The following ASB11 variants were observed in gnomAD, a reference collection of about 807,000 sequenced individuals.
The protein encoded by ASB11 is ankyrin repeat and SOCS box containing 11, also known as ankyrin repeat and SOCS box protein 11.
A neutral mutation model predicts 20.1 loss-of-function variants in ASB11; 17 were observed. That is an observed-to-expected ratio of 0.85 (90% CI 0.58 to 1.27). ASB11 has a LOEUF of 1.27. ASB11 is among the 50% of genes most tolerant of loss of function. ASB11 has a pLI of 0.00. For synonymous variants in ASB11, 107 were observed against 105.6 expected (o/e 1.01, Z -0.08); for missense variants, 259 against 256.9 (o/e 1.01, Z -0.06).
intron 3 of ASB11, among the ~76,000 whole-genome samples, 173 bp from the exon 4 acceptor site, chrX:15,293,493 G>A (rs924332488): frequency 1.8e-5 from 2 of 112,207 alleles, no homozygotes; most frequent in African/African-American, 6.5e-5. Flanking sequence ...TGGATCGAGC[G>A]AGTTACTATA....
chrX:15,286,613 C>T (rs141168950), intron 6 of ASB11, among the ~76,000 whole-genome samples: 437 of 99,033 alleles, frequency 4.4e-3, no homozygotes, highest in African/African-American at 0.016. Flanking sequence ...TGCAGTGAGC[C>T]GAGATCGCAC....
intron 3 of ASB11, among the ~76,000 whole-genome samples, chrX:15,295,912 G>A (rs1050696176): frequency 1.7e-4 from 19 of 111,880 alleles, no homozygotes; most frequent in African/African-American, 5.8e-4. Context: ...TGAGCTGACT[G>A]AGTGGTAACT....
At chrX:15,312,960 T>A in intron 1 of ASB11, among the ~76,000 whole-genome samples, 1 of 111,680 alleles carries the variant, frequency 9.0e-6, no homozygotes, top group East Asian at 2.8e-4. Flanking sequence ...GAATAAAGAG[T>A]TGTTATTTTT....
chrX:15,286,986 AGGTTCTCTTCTGAATT>A (rs1176674639), intron 6 of ASB11, among the ~76,000 whole-genome samples: 23 of 112,053 alleles, frequency 2.1e-4, no homozygotes, highest in African/African-American at 5.2e-4. Flanking sequence ...TAGACATAAG[AGGTTCTCTTCTGAATT>A]GGTTCTCTTC....
At chrX:15,305,934 C>T (rs1471455493) in intron 1 of ASB11, among the ~76,000 whole-genome samples, 1 of 110,989 alleles carries the variant, frequency 9.0e-6, no homozygotes, top group Non-Finnish European at 1.9e-5. Context: ...CTACCCTCCA[C>T]CCTCCAATAG....
Position 15,297,667 on chromosome X carries a change from G to T in ASB11, c.276C>A (p.Asn92Lys), listed in dbSNP as rs145809121. 1.7e-3 allele frequency: 2,061 copies of T among 1,206,464 alleles called. 25 individuals carry two copies. The African/African-American group carries it at 0.031, about 18-fold the overall frequency. The change falls in exon 3 of 7, where the codon AAC (asparagine) becomes AAA (lysine). Residue 92 changes from asparagine (N) to lysine (K), a missense_variant. By Grantham distance (94) the Asn-to-Lys change is moderately conservative. Transcript: ENST00000480796. The stretch of plus-strand genomic sequence containing the variant: ...AAGACACCCGGTTAATTGTCACAAG[G>T]TTCACATTGACACCCTATAATTTAG... ...KTLIAQGVNV[N>K]LVTINRVSSL...
At position 15,314,335 on chromosome X, in the gene ASB11, T is replaced by G. The variant is rs375554656; in HGVS notation, c.181+1090A>C. On this transcript the variant is annotated intron_variant, in intron 1 of 6. Coordinates refer to ENST00000480796, the MANE Select transcript of ASB11 (RefSeq NM_080873.3). ...AAACTTATCAGAAGCATTACTTTTTTTTTTTTTTTTTGTAACTAGTCAAAG... is the reference window on the plus strand; with the variant it reads ...AAACTTATCAGAAGCATTACTTTTTGTTTTTTTTTTTGTAACTAGTCAAAG... The G allele has an allele frequency of 3.4e-5, 37 of 1,075,334 alleles. No homozygotes were observed. In the African/African-American group the frequency reaches 6.5e-4, roughly 19 times the overall value. The allele number at this position is 1,075,334 out of a possible 1,213,427, so 88.6% of individuals were successfully genotyped here. A position where few individuals can be genotyped will look rare whatever the true frequency, so the allele number is the denominator to read the frequency against.
intron 1 of ASB11, among the ~76,000 whole-genome samples, chrX:15,309,967 CAAAAA>C (rs60765469): frequency 0.041 from 639 of 15,510 alleles, 12 homozygotes; most frequent in African/African-American, 0.13. Context: ...GACTCCGTCT[CAAAAA>C]AAAAAAAAAA....
intron 1 of ASB11, among the ~76,000 whole-genome samples, chrX:15,305,099 T>C (rs1434484744): frequency 1.8e-5 from 2 of 111,537 alleles, no homozygotes; most frequent in African/African-American, 6.5e-5. Flanking sequence ...AAATAATGAC[T>C]AACTAGAAAA....
chrX:15,307,048 G>A (rs778651435), intron 1 of ASB11, among the ~76,000 whole-genome samples: 2 of 112,286 alleles, frequency 1.8e-5, no homozygotes, highest in South Asian at 3.7e-4. Flanking sequence ...GGTACTGTAA[G>A]TATTCCATTT....
chrX:15,304,942 A>G (rs1921190391), intron 1 of ASB11, among the ~76,000 whole-genome samples: 1 of 111,900 alleles, frequency 8.9e-6, no homozygotes, highest in African/African-American at 3.3e-5. Flanking sequence ...AAGAGATTAT[A>G]TCTTATCAAA....
chrX:15,309,682 C>G (rs912760292), intron 1 of ASB11, among the ~76,000 whole-genome samples: 9 of 109,754 alleles, frequency 8.2e-5, no homozygotes, highest in Non-Finnish European at 1.5e-4. Flanking sequence ...AAGTAGAGAT[C>G]CAGGGCTGGG....
intron 2 of ASB11, among the ~76,000 whole-genome samples, chrX:15,301,190 T>C (rs1306199083): frequency 9.0e-6 from 1 of 110,981 alleles, no homozygotes; most frequent in Non-Finnish European, 1.9e-5. Context: ...CTCGAACTCC[T>C]GACCTCAGGT....
chrX:15,286,663 C>CAAAAAAAAAAAAAAAAAAAAAA (rs764801887), intron 6 of ASB11, among the ~76,000 whole-genome samples: 2 of 54,377 alleles, frequency 3.7e-5, no homozygotes, highest in African/African-American at 1.5e-4. Flanking sequence ...GACTCCATCT[C>CAAAAAAAAAAAAAAAAAAAAAA]AAAAAAAAAA....
chrX:15,309,216 T>C (rs1458885081), intron 1 of ASB11, among the ~76,000 whole-genome samples: 2 of 110,676 alleles, frequency 1.8e-5, no homozygotes, highest in East Asian at 5.7e-4. Context: ...TGTGCCCGGA[T>C]GCTTCTTCTG....
chrX:15,293,698 A>G (rs1411952615), intron 3 of ASB11, among the ~76,000 whole-genome samples: 3 of 111,729 alleles, frequency 2.7e-5, no homozygotes, highest in Non-Finnish European at 5.6e-5. Flanking sequence ...CTTTCTTGCC[A>G]CAACTTCCTC....
chrX:15,314,897 C>T (rs779705576), intron 1 of ASB11, among the ~76,000 whole-genome samples: 1 of 111,370 alleles, frequency 9.0e-6, no homozygotes, highest in South Asian at 3.7e-4. Flanking sequence ...GTTTGGAGTG[C>T]TTTGCATGCT....
intron 2 of ASB11, among the ~76,000 whole-genome samples, chrX:15,298,535 C>G (rs1319110889): frequency 9.0e-6 from 1 of 111,260 alleles, no homozygotes; most frequent in African/African-American, 3.3e-5. Flanking sequence ...ATGAAGTCTG[C>G]TAGGCTGCGG....
chrX:15,291,476 T>A (rs1372941666), intron 4 of ASB11, among the ~76,000 whole-genome samples: 1 of 111,167 alleles, frequency 9.0e-6, no homozygotes, highest in African/African-American at 3.3e-5. Flanking sequence ...AAGGCTGAGG[T>A]GGGTGGATCA....
Sources: gnomAD v4.1 joint callset for allele counts (sites outside exome capture counted in the v4.1 genomes callset) on GRCh38, gnomAD v4.1.1 for gene constraint, MANE v1.5 for transcripts, NCBI Gene and HGNC (gene_info 2026-07-23, HGNC 2026-07-21) for gene names.